Variants in PFDN1 observed in about 807,000 individuals in gnomAD.
PFDN1 encodes the protein prefoldin 1.
PFDN1 carries 6 observed loss-of-function variants against 17.3 expected under a neutral mutation model. That is an observed-to-expected ratio of 0.35 (90% CI 0.19 to 0.69). The LOEUF is 0.69. Among genes scored for constraint, PFDN1 ranks in the 30% least tolerant of loss-of-function variants. The probability of loss-of-function intolerance (pLI) is 0.65; values close to 1 mark genes in which losing one functional copy is unlikely to be tolerated. For synonymous variants in PFDN1, 58 were observed against 50.1 expected (o/e 1.16, Z -0.67); for missense variants, 113 against 146.2 (o/e 0.77, Z 1.17).
chr5:140,256,682 A>AG (rs1764991948), intron 3 of PFDN1, among the ~76,000 whole-genome samples: 2 of 148,322 alleles, frequency 1.3e-5, no homozygotes, highest in Non-Finnish European at 3.0e-5. Flanking sequence ...AAAAAAAAAA[A>AG]GCTATGTTTT....
intron 3 of PFDN1, among the ~76,000 whole-genome samples, chr5:140,247,108 A>G (rs529041735): frequency 6.6e-6 from 1 of 152,312 alleles, no homozygotes; most frequent in South Asian, 2.1e-4. Context: ...GCAGAGGACA[A>G]GTGAGCTCTC....
intron 3 of PFDN1, among the ~76,000 whole-genome samples, chr5:140,274,748 G>A (rs554294023): frequency 1.3e-4 from 20 of 152,262 alleles, no homozygotes; most frequent in African/African-American, 4.3e-4. Context: ...AGCGGCTCAC[G>A]CTTGTAATCC....
At chr5:140,250,868 C>T (rs1764902855) in intron 3 of PFDN1, among the ~76,000 whole-genome samples, 1 of 152,198 alleles carries the variant, frequency 6.6e-6, no homozygotes, top group African/African-American at 2.4e-5. Context: ...CCTATCACTA[C>T]AAACAATGTC....
At chr5:140,260,492 T>C (rs1318468029) in intron 3 of PFDN1, among the ~76,000 whole-genome samples, 5 of 151,798 alleles carry the variant, frequency 3.3e-5, no homozygotes, top group African/African-American at 1.2e-4. Context: ...ATCCATACAA[T>C]GGAATATTAT....
intron 3 of PFDN1, among the ~76,000 whole-genome samples, chr5:140,279,225 T>G (rs922064015): frequency 6.6e-6 from 1 of 152,180 alleles, no homozygotes; most frequent in African/African-American, 2.4e-5. Flanking sequence ...GTACCGAGGG[T>G]GGAAAAACAA....
chr5:140,250,843 G>A (rs955596946), intron 3 of PFDN1, among the ~76,000 whole-genome samples: 3 of 152,150 alleles, frequency 2.0e-5, no homozygotes, highest in Non-Finnish European at 4.4e-5. Flanking sequence ...GATATACACA[G>A]ATTTAAAACT....
At chr5:140,291,759 T>C (rs1334619175) in intron 2 of PFDN1, among the ~76,000 whole-genome samples, 1 of 151,972 alleles carries the variant, frequency 6.6e-6, no homozygotes, top group Non-Finnish European at 1.5e-5. Context: ...TAAAGGAAGC[T>C]GAAAAGGAAT....
chr5:140,250,986 G>A (rs934363234), intron 3 of PFDN1, among the ~76,000 whole-genome samples: 2 of 152,088 alleles, frequency 1.3e-5, no homozygotes, highest in Non-Finnish European at 2.9e-5. Context: ...CTAAGGTAGA[G>A]TGCAATGGCA....
At chr5:140,253,467 C>T (rs1330521403) in intron 3 of PFDN1, among the ~76,000 whole-genome samples, 3 of 152,162 alleles carry the variant, frequency 2.0e-5, no homozygotes, top group African/African-American at 7.2e-5. Context: ...TGCTCGGTCC[C>T]CCTGAGGTTT....
intron 3 of PFDN1, among the ~76,000 whole-genome samples, chr5:140,278,435 C>T (rs1765333666): frequency 6.8e-6 from 1 of 148,020 alleles, no homozygotes; most frequent in Admixed American, 6.7e-5. Flanking sequence ...GCATGGTGGG[C>T]CTGTAGTCCC....
chr5:140,256,451 T>C (rs1250911666), intron 3 of PFDN1, among the ~76,000 whole-genome samples: 1 of 152,060 alleles, frequency 6.6e-6, no homozygotes, highest in Non-Finnish European at 1.5e-5. Flanking sequence ...TCCTAATTTG[T>C]ATCTCCAACC....
chr5:140,302,716 C>G (rs902996558), intron 1 of PFDN1, among the ~76,000 whole-genome samples: 10 of 152,304 alleles, frequency 6.6e-5, no homozygotes, highest in African/African-American at 2.4e-4. Context: ...ATTTGAAATG[C>G]TCTCTTTAGT....
intron 2 of PFDN1, among the ~76,000 whole-genome samples, chr5:140,291,182 G>A (rs919623212): frequency 6.6e-6 from 1 of 152,216 alleles, no homozygotes; most frequent in Non-Finnish European, 1.5e-5. Flanking sequence ...GATTACTCTG[G>A]CTGATCAGTT....
chr5:140,285,369 A>G (rs953270132), intron 2 of PFDN1, among the ~76,000 whole-genome samples: 11 of 151,356 alleles, frequency 7.3e-5, no homozygotes, highest in Non-Finnish European at 1.3e-4. Flanking sequence ...AAAAAGAATG[A>G]GCCTATCTTG....
intron 2 of PFDN1, among the ~76,000 whole-genome samples, chr5:140,285,491 ATTGAATTTATTTCTTACTT>A (rs556043371): frequency 8.9e-4 from 135 of 152,128 alleles, no homozygotes; most frequent in Middle Eastern, 3.4e-3. Context: ...ATTTTTTTAA[ATTGAATTTATTTCTTACTT>A]TAATCACTTC....
At chr5:140,295,749 A>T (rs1765643933) in intron 2 of PFDN1, among the ~76,000 whole-genome samples, 1 of 152,152 alleles carries the variant, frequency 6.6e-6, no homozygotes, top group Admixed American at 6.5e-5. Context: ...TAAACCAAAA[A>T]TAGCCATGTA....
chr5:140,276,015 T>TGA (rs1765285580), intron 3 of PFDN1, among the ~76,000 whole-genome samples: 5 of 149,256 alleles, frequency 3.3e-5, no homozygotes, highest in African/African-American at 1.2e-4. Context: ...AGAAGAGAAA[T>TGA]TGATGATGAT....
intron 3 of PFDN1, among the ~76,000 whole-genome samples, chr5:140,272,282 A>G (rs1765217585): frequency 6.6e-6 from 1 of 151,158 alleles, no homozygotes; most frequent in Non-Finnish European, 1.5e-5. Context: ...AGCCTCCCAA[A>G]GTGCTGGGAT....
chr5:140,297,118 AGACCTGAAT>A (rs1765665978), intron 2 of PFDN1, among the ~76,000 whole-genome samples: 1 of 152,270 alleles, frequency 6.6e-6, no homozygotes, highest in African/African-American at 2.4e-5. Context: ...AGAAGCAATG[AGACCTGAAT>A]TTCAGCAATG....
Sources: allele counts gnomAD v4.1 joint callset (sites outside exome capture counted in the v4.1 genomes callset), GRCh38; gene constraint gnomAD v4.1.1; transcripts MANE v1.5; gene names NCBI Gene and HGNC (gene_info 2026-07-23, HGNC 2026-07-21).